Variants in ROBO2 observed in about 807,000 individuals in gnomAD.
ROBO2 encodes roundabout guidance receptor 2, also known as roundabout homolog 2.
A neutral mutation model predicts 160.8 loss-of-function variants in ROBO2; 53 were observed. That is an observed-to-expected ratio of 0.33 (90% CI 0.26 to 0.41). The LOEUF (loss-of-function observed/expected upper bound fraction) is 0.41. Among genes scored for constraint, ROBO2 ranks in the 10% least tolerant of loss-of-function variants. The pLI is 1.00. For synonymous variants in ROBO2, 664 were observed against 611.7 expected (o/e 1.09, Z -1.26); for missense variants, 1,577 against 1,722.4 (o/e 0.92, Z 1.49).
intron 6 of ROBO2, among the ~76,000 whole-genome samples, chr3:77,537,222 A>G (rs1394952836): frequency 6.6e-6 from 1 of 151,936 alleles, no homozygotes. Context: ...CTATGTAATT[A>G]TTGGCTGACT....
chr3:77,007,294 A>G (rs1025822151), intron 2 of ROBO2, among the ~76,000 whole-genome samples: 1 of 152,186 alleles, frequency 6.6e-6, no homozygotes, highest in Non-Finnish European at 1.5e-5. Flanking sequence ...ATTCATCACC[A>G]ACGACAGATA....
chr3:76,031,151 T>A (rs1049313036), intron 2 of ROBO2, among the ~76,000 whole-genome samples: 2 of 152,204 alleles, frequency 1.3e-5, no homozygotes, highest in Non-Finnish European at 2.9e-5. Context: ...AGTTCCCTCA[T>A]GATTTGGCTC....
At chr3:76,164,566 T>A (rs535646274) in intron 2 of ROBO2, among the ~76,000 whole-genome samples, 1 of 152,282 alleles carries the variant, frequency 6.6e-6, no homozygotes, top group South Asian at 2.1e-4. Flanking sequence ...TCCTTGTACA[T>A]CTTTGTTAGA....
chr3:76,784,064 A>AGCT (rs2062824749), intron 2 of ROBO2, among the ~76,000 whole-genome samples: 1 of 151,066 alleles, frequency 6.6e-6, no homozygotes, highest in South Asian at 2.1e-4. Flanking sequence ...AGCTTCTTTC[A>AGCT]GATGATTATT....
At chr3:77,289,538 C>T (rs941002644) in intron 2 of ROBO2, among the ~76,000 whole-genome samples, 2 of 118,518 alleles carry the variant, frequency 1.7e-5, no homozygotes, top group African/African-American at 6.5e-5. Context: ...TAGATCACCC[C>T]AGACATAAAG....
intron 2 of ROBO2, among the ~76,000 whole-genome samples, chr3:76,097,895 C>T (rs1159575263): frequency 2.0e-5 from 3 of 152,032 alleles, no homozygotes; most frequent in Admixed American, 2.0e-4. Context: ...CTTTATTTCC[C>T]CTAGGACACT....
chr3:76,267,174 C>T (rs1315403500), intron 2 of ROBO2, among the ~76,000 whole-genome samples: 1 of 152,162 alleles, frequency 6.6e-6, no homozygotes, highest in African/African-American at 2.4e-5. Flanking sequence ...CGTATCTCAA[C>T]ACATGTCTTA....
chr3:76,311,682 G>A (rs988319998), intron 2 of ROBO2, among the ~76,000 whole-genome samples: 7 of 152,226 alleles, frequency 4.6e-5, no homozygotes, highest in Admixed American at 6.5e-5. Flanking sequence ...GCAGATGCAT[G>A]CTTCTCTAGT....
rs1195770911 is a variant in ROBO2, at chr3:75,969,950, C to A, written c.109+32348C>A. 3.3e-5 allele frequency among the ~76,000 whole-genome samples: 5 copies of A among 151,498 alleles called. No homozygotes were observed. In the East Asian group the frequency reaches 9.8e-4, roughly 30 times the overall value. On this transcript the variant is annotated intron_variant, in intron 2 of 26. Coordinates refer to the ROBO2 transcript ENST00000487694. The stretch of plus-strand genomic sequence containing the variant: ...AGCTTTTGGTGTGATAGCCAAAAAA[C>A]CATTGTCAAGGCCAATATCAAGGAG...
At chr3:76,242,958 C>G (rs1288793995) in intron 2 of ROBO2, among the ~76,000 whole-genome samples, 2 of 152,098 alleles carry the variant, frequency 1.3e-5, no homozygotes, top group Non-Finnish European at 2.9e-5. Flanking sequence ...TGATCTAACA[C>G]GTAACGTATT....
At chr3:75,997,329 A>G (rs148859713) in intron 2 of ROBO2, among the ~76,000 whole-genome samples, 180 of 152,292 alleles carry the variant, frequency 1.2e-3, no homozygotes, top group Middle Eastern at 3.4e-3. Context: ...CTTATTTGCT[A>G]GTTGAAGTTA....
intron 1 of ROBO2, among the ~76,000 whole-genome samples, chr3:75,916,079 A>G (rs1288041618): frequency 2.0e-5 from 3 of 152,192 alleles, no homozygotes; most frequent in African/African-American, 7.2e-5. Flanking sequence ...TTTCAGTTTC[A>G]GTGCCATGGC....
chr3:76,283,136 G>GTATATATATATATATATA (rs547807116), intron 2 of ROBO2, among the ~76,000 whole-genome samples: 1,292 of 63,482 alleles, frequency 0.02, 131 homozygotes, highest in East Asian at 0.11. Flanking sequence ...ATATAAAACT[G>GTATATATATATATATATA]TATATATATA....
chr3:76,899,967 G>A (rs528727435), intron 2 of ROBO2, among the ~76,000 whole-genome samples: 5 of 152,192 alleles, frequency 3.3e-5, no homozygotes, highest in Non-Finnish European at 7.4e-5. Flanking sequence ...TGCTGATAAA[G>A]ACACACCTGA....
chr3:76,115,891 C>G (rs997039291), intron 2 of ROBO2, among the ~76,000 whole-genome samples: 1 of 152,098 alleles, frequency 6.6e-6, no homozygotes, highest in Non-Finnish European at 1.5e-5. Context: ...ATGTGCTATG[C>G]CACATAGATT....
intron 2 of ROBO2, among the ~76,000 whole-genome samples, chr3:76,607,453 A>G (rs1340322290): frequency 1.3e-5 from 2 of 152,220 alleles, no homozygotes; most frequent in Non-Finnish European, 2.9e-5. Flanking sequence ...CAAAGTTAAA[A>G]ATAATATTTT....
At chr3:77,324,645 T>A (rs551149686) in intron 2 of ROBO2, among the ~76,000 whole-genome samples, 242 of 127,448 alleles carry the variant, frequency 1.9e-3, no homozygotes, top group African/African-American at 8.4e-3. Context: ...CCGGGTGCAG[T>A]GGTGAGCGCC....
chr3:75,920,829 T>C (rs760985680), intron 1 of ROBO2, among the ~76,000 whole-genome samples: 19 of 152,050 alleles, frequency 1.2e-4, no homozygotes, highest in Non-Finnish European at 2.2e-4. Flanking sequence ...TCTGTTTTAT[T>C]AGAGACTAGG....
At chr3:76,596,162 A>G (rs2086719967) in intron 2 of ROBO2, among the ~76,000 whole-genome samples, 1 of 152,148 alleles carries the variant, frequency 6.6e-6, no homozygotes, top group African/African-American at 2.4e-5. Flanking sequence ...AAACCTGAGA[A>G]TAAGTACCAA....
Sources: allele counts gnomAD v4.1 joint callset (sites outside exome capture counted in the v4.1 genomes callset), GRCh38; gene constraint gnomAD v4.1.1; transcripts MANE v1.5; gene names NCBI Gene and HGNC (gene_info 2026-07-23, HGNC 2026-07-21).